The following ATRNL1 variants were observed in gnomAD, a reference collection of about 807,000 sequenced individuals.
ATRNL1 encodes attractin like 1.
ATRNL1 carries 95 observed loss-of-function variants against 182.7 expected under a neutral mutation model. That is an observed-to-expected ratio of 0.52 (90% CI 0.44 to 0.62). The LOEUF (loss-of-function observed/expected upper bound fraction) is 0.62. Among genes scored for constraint, ATRNL1 ranks in the 20% least tolerant of loss-of-function variants. The pLI is 0.00. For synonymous variants in ATRNL1, 576 were observed against 568.3 expected (o/e 1.01, Z -0.19); for missense variants, 1,471 against 1,679.5 (o/e 0.88, Z 2.17).
chr10:115,549,540 TC>T lies in ATRNL1; in HGVS notation c.3795+5del. The T allele has an allele frequency of 6.4e-7, 1 of 1,573,560 alleles. No homozygotes were observed. The highest frequency in any genetic ancestry group is 8.6e-7 in the Non-Finnish European group (1 of 1,156,336). On this transcript the variant is annotated splice_donor_5th_base_variant and intron_variant, in intron 26 of 28. Coordinates refer to ENST00000355044, the MANE Select transcript of ATRNL1 (RefSeq NM_207303.4). ...TTGGGCTTCTCGACGGAGAGAGGTA[TC>T]AGTAATATTATTTAATCTTTTGTTT...
chr10:115,796,699 G>A (rs987438992), intron 27 of ATRNL1, among the ~76,000 whole-genome samples: 3 of 152,108 alleles, frequency 2.0e-5, no homozygotes, highest in South Asian at 2.1e-4. Flanking sequence ...CATTATTTTC[G>A]AAAGGAAAGT....
intron 28 of ATRNL1, among the ~76,000 whole-genome samples, chr10:115,939,757 C>T (rs954328408): frequency 2.2e-4 from 34 of 152,070 alleles, no homozygotes; most frequent in African/African-American, 7.0e-4. Flanking sequence ...GGAACTCTAG[C>T]GGCGTGCAGC....
At chr10:115,366,538 T>G (rs1857051245) in intron 19 of ATRNL1, among the ~76,000 whole-genome samples, 2 of 151,964 alleles carry the variant, frequency 1.3e-5, no homozygotes, top group Admixed American at 1.3e-4. Flanking sequence ...AATATTGTTA[T>G]GTGTGAATTT....
chr10:115,494,726 G>C (rs1351481708), intron 24 of ATRNL1, among the ~76,000 whole-genome samples: 1 of 152,156 alleles, frequency 6.6e-6, no homozygotes, highest in Non-Finnish European at 1.5e-5. Flanking sequence ...TTGATATGCT[G>C]CTCAATTCAC....
intron 10 of ATRNL1, among the ~76,000 whole-genome samples, chr10:115,263,184 A>C (rs1326754617): frequency 2.6e-5 from 4 of 151,860 alleles, no homozygotes; most frequent in Non-Finnish European, 5.9e-5. Flanking sequence ...TGTATCTATA[A>C]ATTTAAATGA....
intron 25 of ATRNL1, among the ~76,000 whole-genome samples, chr10:115,543,406 T>C (rs1165476616): frequency 6.6e-6 from 1 of 152,216 alleles, no homozygotes; most frequent in Non-Finnish European, 1.5e-5. Flanking sequence ...TTAAATGTCA[T>C]GAAGGTATAA....
intron 25 of ATRNL1, among the ~76,000 whole-genome samples, chr10:115,541,661 G>GA (rs1203280210): frequency 6.6e-6 from 1 of 152,082 alleles, no homozygotes; most frequent in Non-Finnish European, 1.5e-5. Context: ...GGAGCAATGG[G>GA]AAAATAAAAC....
intron 26 of ATRNL1, among the ~76,000 whole-genome samples, chr10:115,559,181 C>A (rs1224548844): frequency 6.6e-6 from 1 of 152,158 alleles, no homozygotes; most frequent in African/African-American, 2.4e-5. Context: ...GGGCCACTGT[C>A]CCCATCATTA....
chr10:115,406,714 G>T (rs782061857), intron 20 of ATRNL1, among the ~76,000 whole-genome samples: 2 of 151,996 alleles, frequency 1.3e-5, no homozygotes. Context: ...TGATTTTTCT[G>T]CTGGATTCTC....
chr10:115,760,175 A>G (rs1466292319), intron 27 of ATRNL1, among the ~76,000 whole-genome samples: 2 of 150,880 alleles, frequency 1.3e-5, no homozygotes, highest in Non-Finnish European at 3.0e-5. Context: ...CCCCTTTCCA[A>G]AAAAAAAGAC....
chr10:115,262,359 A>T (rs571479522), intron 10 of ATRNL1, among the ~76,000 whole-genome samples: 2 of 152,134 alleles, frequency 1.3e-5, no homozygotes, highest in African/African-American at 4.8e-5. Context: ...TATACTTGGA[A>T]ATATCTGGAA....
intron 26 of ATRNL1, among the ~76,000 whole-genome samples, chr10:115,612,277 G>C (rs1175131858): frequency 1.3e-5 from 2 of 151,540 alleles, no homozygotes; most frequent in Non-Finnish European, 2.9e-5. Context: ...AAAGACAACC[G>C]AGGAAGTTTG....
At chr10:115,096,915 T>C (rs2085025390) in intron 1 of ATRNL1, 1 of 638,876 alleles carries the variant, frequency 1.6e-6, no homozygotes, top group African/African-American at 2.0e-5. Context: ...GAAAATATAT[T>C]TGAAATATAA....
At chr10:115,115,016 AG>A (rs1399796913) in intron 1 of ATRNL1, among the ~76,000 whole-genome samples, 1 of 152,158 alleles carries the variant, frequency 6.6e-6, no homozygotes, top group African/African-American at 2.4e-5. Context: ...TTAAAAAAAG[AG>A]GTATATATAC....
Position 115,094,057 on chromosome 10 carries a change from C to A in ATRNL1, c.293+14C>A. 6.9e-7 allele frequency: 1 copy of A among 1,450,520 alleles called. No homozygotes were observed. The highest frequency in any genetic ancestry group is 1.4e-5 in the African/African-American group (1 of 69,086). 89.9% of individuals were successfully genotyped at this position (1,450,520 alleles called of 1,614,324 possible). A position where few individuals can be genotyped will look rare whatever the true frequency, so the allele number is the denominator to read the frequency against. On this transcript the variant is annotated intron_variant, in intron 1 of 28. Transcript: ENST00000355044. ...GGGCAGGTTCAAGTAAGTGCCTTCGCCGGACCCCGAACCTCCAGCCCTGCC... is the reference window on the plus strand; with the variant it reads ...GGGCAGGTTCAAGTAAGTGCCTTCGACGGACCCCGAACCTCCAGCCCTGCC...
intron 1 of ATRNL1, among the ~76,000 whole-genome samples, chr10:115,094,252 CG>C (rs1237086438): frequency 3.3e-5 from 5 of 152,036 alleles, no homozygotes; most frequent in African/African-American, 1.2e-4. Flanking sequence ...CTCGGGCCCG[CG>C]CGGAGCCCTG....
intron 24 of ATRNL1, among the ~76,000 whole-genome samples, chr10:115,509,597 A>T (rs1349869410): frequency 6.6e-6 from 1 of 151,978 alleles, no homozygotes; most frequent in Non-Finnish European, 1.5e-5. Flanking sequence ...AAGTTTACTG[A>T]GGCTTCCCCA....
intron 22 of ATRNL1, among the ~76,000 whole-genome samples, chr10:115,463,123 A>G (rs1847895022): frequency 6.6e-6 from 1 of 151,852 alleles, no homozygotes; most frequent in South Asian, 2.1e-4. Context: ...AAATGTCTAA[A>G]TATATTAATA....
chr10:115,177,903 GT>G (rs147613896), intron 8 of ATRNL1, among the ~76,000 whole-genome samples: 2 of 102,060 alleles, frequency 2.0e-5, no homozygotes, highest in Non-Finnish European at 3.7e-5. Flanking sequence ...TTGTTTTTTT[GT>G]TTTTTTTGTT....
Sources: gnomAD v4.1 joint callset for allele counts (sites outside exome capture counted in the v4.1 genomes callset) on GRCh38, gnomAD v4.1.1 for gene constraint, MANE v1.5 for transcripts, NCBI Gene and HGNC (gene_info 2026-07-23, HGNC 2026-07-21) for gene names.